Variants in HS6ST3 observed in about 807,000 individuals in gnomAD.
HS6ST3 encodes heparan-sulfate 6-O-sulfotransferase 3.
In HS6ST3, 12 loss-of-function variants were observed where a neutral mutation model predicts 36.7. The observed-to-expected ratio is 0.33, with a 90% CI of 0.21 to 0.53. HS6ST3 has a LOEUF of 0.53. HS6ST3 is among the 20% of genes least tolerant of loss of function. The pLI is 0.95. For missense variants in HS6ST3, 584 were observed against 640.9 expected, an observed-to-expected ratio of 0.91 and a Z score of 0.96; for synonymous variants, 240 against 257.5, an observed-to-expected ratio of 0.93 and a Z score of 0.65.
chr13:96,573,900 G>C, intron 1 of HS6ST3: 1 of 505,392 alleles, frequency 2.0e-6, no homozygotes, highest in Non-Finnish European at 3.9e-6. Flanking sequence ...CCAGTCTAAT[G>C]GAATGGCAGC....
chr13:96,124,746 C>A (rs74637490), intron 1 of HS6ST3, among the ~76,000 whole-genome samples: 1 of 152,212 alleles, frequency 6.6e-6, no homozygotes, highest in Non-Finnish European at 1.5e-5. Flanking sequence ...TCTGACCTCA[C>A]CACATGTGGC....
At chr13:96,791,596 C>T (rs939152948) in intron 1 of HS6ST3, among the ~76,000 whole-genome samples, 2 of 151,854 alleles carry the variant, frequency 1.3e-5, no homozygotes, top group Non-Finnish European at 2.9e-5. Flanking sequence ...AAAATAATAC[C>T]CCCATTGTCA....
chr13:96,642,563 G>A (rs1285078293), intron 1 of HS6ST3, among the ~76,000 whole-genome samples: 2 of 151,724 alleles, frequency 1.3e-5, no homozygotes, highest in African/African-American at 4.8e-5. Context: ...GGTCTCTGAG[G>A]CTCTGCTAGT....
chr13:96,735,445 A>AAAG (rs1876259317), intron 1 of HS6ST3, among the ~76,000 whole-genome samples: 2 of 152,196 alleles, frequency 1.3e-5, no homozygotes, highest in Admixed American at 1.3e-4. Flanking sequence ...CAATCTAAGT[A>AAAG]TTCACTGTAA....
At chr13:96,151,113 CT>C (rs373908942) in intron 1 of HS6ST3, among the ~76,000 whole-genome samples, 69 of 152,162 alleles carry the variant, frequency 4.5e-4, no homozygotes, top group African/African-American at 1.6e-3. Context: ...AAAAGACTAC[CT>C]GGATACACGC....
rs138239595 is a variant in HS6ST3, at chr13:96,753,954, G to T, written c.708-78536G>T. On this transcript the variant is annotated intron_variant, in intron 1 of 1. Transcript: ENST00000376705. ...CCTGCCTCAGCCTCTCGATTACTGG[G>T]ATTACAGGCGCCCACTACCACGCCC... is the stretch of plus-strand genomic sequence containing the variant. 4.7e-4 allele frequency among the ~76,000 whole-genome samples: 71 copies of T among 152,186 alleles called. No individual in the cohort carries two copies. In the East Asian group the frequency reaches 0.012, roughly 26 times the overall value.
intron 1 of HS6ST3, among the ~76,000 whole-genome samples, chr13:96,633,173 G>A (rs907082658): frequency 6.6e-6 from 1 of 152,108 alleles, no homozygotes; most frequent in Admixed American, 6.5e-5. Flanking sequence ...ACGTCAGCAG[G>A]GACGGTGTTC....
At chr13:96,800,747 G>C (rs949893964) in intron 1 of HS6ST3, among the ~76,000 whole-genome samples, 5 of 151,420 alleles carry the variant, frequency 3.3e-5, no homozygotes, top group African/African-American at 1.2e-4. Flanking sequence ...CTCACCACTA[G>C]CTCCCCCTTC....
At chr13:96,770,264 C>A (rs996636971) in intron 1 of HS6ST3, among the ~76,000 whole-genome samples, 1 of 152,210 alleles carries the variant, frequency 6.6e-6, no homozygotes, top group African/African-American at 2.4e-5. Flanking sequence ...AGAAGCCAGT[C>A]TGGAGCTCCT....
intron 1 of HS6ST3, among the ~76,000 whole-genome samples, chr13:96,693,747 G>A (rs1034830548): frequency 6.6e-6 from 1 of 152,168 alleles, no homozygotes; most frequent in Non-Finnish European, 1.5e-5. Flanking sequence ...CTTTACAAAA[G>A]TTCAAGCTGG....
intron 1 of HS6ST3, among the ~76,000 whole-genome samples, chr13:96,141,967 A>G (rs1456215020): frequency 9.3e-5 from 14 of 150,750 alleles, no homozygotes; most frequent in Admixed American, 9.3e-4. Context: ...GTGTCCAGAT[A>G]TGCATGACTT....
At chr13:96,673,925 T>G (rs1436791778) in intron 1 of HS6ST3, among the ~76,000 whole-genome samples, 1 of 152,166 alleles carries the variant, frequency 6.6e-6, no homozygotes, top group African/African-American at 2.4e-5. Flanking sequence ...TTTCCCCTCT[T>G]TCTTTCATTT....
At chr13:96,118,663 TATATATATATATATATATATATA>T (rs1566886436) in intron 1 of HS6ST3, among the ~76,000 whole-genome samples, 4 of 6,392 alleles carry the variant, frequency 6.3e-4, no homozygotes, top group Admixed American at 2.0e-3. Flanking sequence ...TATATATATA[TATATATATATATATATATATATA>T]TATTTTTTTT....
chr13:96,091,091 G>A lies in HS6ST3; in HGVS notation c.229G>A (p.Gly77Arg). 1 of 1,302,264 alleles carries A rather than the reference G, an allele frequency of 7.7e-7. No homozygotes were observed. Among genetic ancestry groups the A allele is most frequent in the South Asian group, 2.5e-5 (1 of 40,668 alleles). 80.7% of individuals were successfully genotyped at this position (1,302,264 alleles called of 1,614,324 possible). Residue 77 changes from glycine (G) to arginine (R), a missense_variant, in exon 1 of 2, where the codon GGG becomes AGG. Physicochemically the swap from Gly to Arg is moderately radical, Grantham distance 125. Transcript: ENST00000376705. ...RRPQLPPPPR[G>R]PPEGPRGAAA... Reference sequence around the variant, plus strand: ...GCCCCAGTTGCCCCCGCCGCCCCGGGGGCCCCCCGAGGGACCTCGGGGGGC... The same window carrying A: ...GCCCCAGTTGCCCCCGCCGCCCCGGAGGCCCCCCGAGGGACCTCGGGGGGC...
At chr13:96,228,931 G>A (rs1046246440) in intron 1 of HS6ST3, among the ~76,000 whole-genome samples, 8 of 152,182 alleles carry the variant, frequency 5.3e-5, no homozygotes, top group African/African-American at 1.9e-4. Flanking sequence ...GAATGTGCGT[G>A]TAGGCGTGGG....
At chr13:96,367,612 C>G (rs771242111) in intron 1 of HS6ST3, among the ~76,000 whole-genome samples, 6 of 152,114 alleles carry the variant, frequency 3.9e-5, no homozygotes, top group Admixed American at 6.6e-5. Flanking sequence ...TAGATGTTAA[C>G]AATGATGGAA....
chr13:96,188,388 G>A (rs557026754), intron 1 of HS6ST3, among the ~76,000 whole-genome samples: 83 of 152,154 alleles, frequency 5.5e-4, no homozygotes, highest in Non-Finnish European at 1.0e-3. Flanking sequence ...GCCAAAGCTG[G>A]AGAATCTCTT....
intron 1 of HS6ST3, among the ~76,000 whole-genome samples, chr13:96,784,877 A>T (rs994452582): frequency 2.6e-5 from 4 of 152,192 alleles, no homozygotes; most frequent in African/African-American, 9.6e-5. Context: ...TATTCAAAAA[A>T]GTTTCTTAGG....
chr13:96,415,815 C>T (rs2055530192), intron 1 of HS6ST3, among the ~76,000 whole-genome samples: 1 of 152,198 alleles, frequency 6.6e-6, no homozygotes, highest in African/African-American at 2.4e-5. Context: ...CTCCACTTAT[C>T]TTATTTTGAT....
Sources: allele counts gnomAD v4.1 joint callset (sites outside exome capture counted in the v4.1 genomes callset), GRCh38; gene constraint gnomAD v4.1.1; transcripts MANE v1.5; gene names NCBI Gene and HGNC (gene_info 2026-07-23, HGNC 2026-07-21).